The following NTM variants were observed in gnomAD, a reference collection of about 807,000 sequenced individuals.
NTM encodes the protein neurotrimin, also known as IgLON family member 2.
Under a neutral mutation model 42.1 loss-of-function variants are expected in NTM, and 13 were observed. The observed-to-expected ratio is 0.31, with a 90% CI of 0.20 to 0.49. The LOEUF (loss-of-function observed/expected upper bound fraction) is 0.49, where lower values mean the gene tolerates loss of function less well. Among genes scored for constraint, NTM ranks in the 20% least tolerant of loss-of-function variants. NTM has a pLI of 0.99. For synonymous variants in NTM, 187 were observed against 179.2 expected (o/e 1.04, Z -0.35); for missense variants, 373 against 452.8 (o/e 0.82, Z 1.60).
chr11:132,259,835 C>T (rs11222988), intron 4 of NTM, among the ~76,000 whole-genome samples: 54,713 of 151,584 alleles, frequency 0.36, 10,700 homozygotes, highest in Middle Eastern at 0.5. Context: ...CTGCAAACTC[C>T]GCCTCCCAGA....
At chr11:132,081,968 A>G (rs969253940) in intron 2 of NTM, among the ~76,000 whole-genome samples, 8 of 148,110 alleles carry the variant, frequency 5.4e-5, no homozygotes, top group Non-Finnish European at 7.4e-5. Context: ...ATATATAGTG[A>G]TTAAAATAAT....
At chr11:131,469,113 G>A (rs555318792) in intron 1 of NTM, among the ~76,000 whole-genome samples, 26 of 152,248 alleles carry the variant, frequency 1.7e-4, no homozygotes, top group African/African-American at 5.5e-4. Flanking sequence ...TCCAAGCTCC[G>A]TTTCATCCTT....
intron 2 of NTM, among the ~76,000 whole-genome samples, chr11:131,930,798 TCTC>T (rs1488019018): frequency 6.6e-6 from 1 of 152,248 alleles, no homozygotes; most frequent in Non-Finnish European, 1.5e-5. Flanking sequence ...TTTTATGTAT[TCTC>T]CTTCAAATGT....
intron 2 of NTM, among the ~76,000 whole-genome samples, chr11:131,933,959 T>G (rs927959647): frequency 6.6e-6 from 1 of 152,142 alleles, no homozygotes; most frequent in African/African-American, 2.4e-5. Flanking sequence ...ATCCCAATTT[T>G]AAAAATGAGG....
intron 1 of NTM, among the ~76,000 whole-genome samples, chr11:131,516,914 T>C (rs2048966888): frequency 6.6e-6 from 1 of 152,176 alleles, no homozygotes; most frequent in African/African-American, 2.4e-5. Flanking sequence ...CCACTTTAGA[T>C]TGCATTTCAA....
chr11:131,897,992 A>G (rs917575534), intron 1 of NTM, among the ~76,000 whole-genome samples: 6 of 152,228 alleles, frequency 3.9e-5, no homozygotes, highest in African/African-American at 1.4e-4. Flanking sequence ...TTTCTCAAAT[A>G]TTTCGGATTC....
intron 1 of NTM, among the ~76,000 whole-genome samples, chr11:131,579,817 T>C (rs1458601258): frequency 6.6e-6 from 1 of 152,144 alleles, no homozygotes; most frequent in Admixed American, 6.5e-5. Context: ...CTTGAATGGG[T>C]TAGATGGAAA....
intron 2 of NTM, among the ~76,000 whole-genome samples, chr11:131,915,940 A>T (rs563111238): frequency 7.9e-5 from 12 of 152,306 alleles, no homozygotes; most frequent in Admixed American, 6.5e-4. Context: ...TTGGGTGGGG[A>T]CACAGCCAGA....
At chr11:131,978,856 T>G (rs1423747734) in intron 2 of NTM, among the ~76,000 whole-genome samples, 1 of 152,216 alleles carries the variant, frequency 6.6e-6, no homozygotes. Context: ...GTTTTTCACC[T>G]GCATACTTGA....
chr11:131,683,812 G>T (rs1288943756), intron 1 of NTM, among the ~76,000 whole-genome samples: 1 of 152,164 alleles, frequency 6.6e-6, no homozygotes, highest in Admixed American at 6.5e-5. Context: ...ACTCTGGGTT[G>T]TCCTTTGTCA....
rs142486257 is a variant in NTM, at chr11:131,597,402, G to A, written c.82+226514G>A. 1.0e-3 allele frequency among the ~76,000 whole-genome samples: 157 copies of A among 152,200 alleles called. 1 individual carries two copies. The highest frequency in any genetic ancestry group is 6.4e-3 in the East Asian group (33 of 5,158). The stretch of plus-strand genomic sequence containing the variant: ...GCGCTGCTTTCCCCACCACTTTGGC[G>A]GGGAAGCACCTGCAGAGGCTGCACT... On this transcript the variant is annotated intron_variant, in intron 1 of 8. Transcript: ENST00000683400.
chr11:132,171,310 T>C (rs1425956526), intron 3 of NTM, among the ~76,000 whole-genome samples: 1 of 152,184 alleles, frequency 6.6e-6, no homozygotes, highest in Admixed American at 6.5e-5. Context: ...CAAAGTACCA[T>C]AGACTGGGTT....
intron 1 of NTM, among the ~76,000 whole-genome samples, chr11:131,908,173 T>C (rs534937411): frequency 1.1e-4 from 17 of 152,340 alleles, no homozygotes; most frequent in Non-Finnish European, 1.9e-4. Flanking sequence ...GAGACAAAGA[T>C]GGTTTGATTG....
At chr11:132,316,550 A>G (rs1355554175) in intron 7 of NTM, among the ~76,000 whole-genome samples, 2 of 152,178 alleles carry the variant, frequency 1.3e-5, no homozygotes, top group African/African-American at 4.8e-5. Flanking sequence ...TGAGTGGGGT[A>G]CATGTGGGGA....
chr11:131,799,509 T>G (rs2091925423), intron 1 of NTM, among the ~76,000 whole-genome samples: 1 of 152,058 alleles, frequency 6.6e-6, no homozygotes, highest in South Asian at 2.1e-4. Flanking sequence ...AGGTCTGGGT[T>G]GGAAAAGAGG....
intron 1 of NTM, among the ~76,000 whole-genome samples, chr11:131,834,236 AT>A (rs2043187023): frequency 1.3e-5 from 2 of 152,166 alleles, no homozygotes; most frequent in Non-Finnish European, 2.9e-5. Flanking sequence ...AAAGGTTGAA[AT>A]TCAGTAGTAA....
intron 1 of NTM, among the ~76,000 whole-genome samples, chr11:131,680,443 ATATC>A (rs2072303832): frequency 1.5e-4 from 10 of 68,264 alleles, no homozygotes; most frequent in Middle Eastern, 0.01. Flanking sequence ...GTGTGAGATC[ATATC>A]TGTGTCTGTG....
intron 3 of NTM, among the ~76,000 whole-genome samples, chr11:132,158,752 G>A (rs1451829087): frequency 6.6e-6 from 1 of 152,230 alleles, no homozygotes; most frequent in East Asian, 1.9e-4. Flanking sequence ...CTATCAAAAT[G>A]TTTTGGTCCC....
At chr11:131,812,948 G>A (rs562229502) in intron 1 of NTM, among the ~76,000 whole-genome samples, 1 of 152,280 alleles carries the variant, frequency 6.6e-6, no homozygotes, top group East Asian at 1.9e-4. Context: ...GTCTCCAGCT[G>A]GCTCAAAGGT....
Sources: gnomAD v4.1 joint callset for allele counts (sites outside exome capture counted in the v4.1 genomes callset) on GRCh38, gnomAD v4.1.1 for gene constraint, MANE v1.5 for transcripts, NCBI Gene and HGNC (gene_info 2026-07-23, HGNC 2026-07-21) for gene names.